SORT1: variants seen among roughly 807,000 people sequenced by gnomAD.
The protein encoded by SORT1 is sortilin 1.
A neutral mutation model predicts 101.7 loss-of-function variants in SORT1; 39 were observed. The observed-to-expected ratio is 0.38, with a 90% CI of 0.30 to 0.50. SORT1 has a LOEUF of 0.50. Ranked by LOEUF, SORT1 falls within the 20% of genes least tolerant of loss-of-function variation. The probability of loss-of-function intolerance (pLI) is 0.90; values close to 1 mark genes in which losing one functional copy is unlikely to be tolerated. For missense variants in SORT1, 878 were observed against 1,040.4 expected (o/e 0.84, Z 2.15); for synonymous variants, 396 against 393.7 (o/e 1.01, Z -0.07).
chr1:109,380,340 T>C (rs528056645), intron 1 of SORT1, among the ~76,000 whole-genome samples: 1 of 152,144 alleles, frequency 6.6e-6, no homozygotes, highest in South Asian at 2.1e-4. Context: ...AACCTTGGAA[T>C]GGGAAGACCT....
At chr1:109,389,399 C>T (rs1331803642) in intron 1 of SORT1, among the ~76,000 whole-genome samples, 1 of 152,128 alleles carries the variant, frequency 6.6e-6, no homozygotes, top group African/African-American at 2.4e-5. Flanking sequence ...CATAACTTTG[C>T]CTTATCCCTA....
intron 3 of SORT1, among the ~76,000 whole-genome samples, chr1:109,359,311 G>T (rs143856957): frequency 1.3e-5 from 2 of 152,096 alleles, no homozygotes; most frequent in East Asian, 3.9e-4. Context: ...CTTACCGAAG[G>T]TCCCACCTCC....
At chr1:109,358,984 A>G (rs977620897) in intron 3 of SORT1, among the ~76,000 whole-genome samples, 1 of 152,228 alleles carries the variant, frequency 6.6e-6, no homozygotes, top group Non-Finnish European at 1.5e-5. Context: ...GCACATGTTT[A>G]TAACTCAAGA....
At chr1:109,393,399 A>G in intron 1 of SORT1, 1 of 713,564 alleles carries the variant, frequency 1.4e-6, no homozygotes, top group Non-Finnish European at 1.7e-6. Flanking sequence ...GTACACAGGA[A>G]TGAGAAGTAA....
At chr1:109,390,513 G>T (rs1049638094) in intron 1 of SORT1, among the ~76,000 whole-genome samples, 6 of 152,104 alleles carry the variant, frequency 3.9e-5, no homozygotes, top group Admixed American at 1.3e-4. Context: ...TGAAGCAGCA[G>T]AGCCAGGACC....
At chr1:109,326,462 T>TAC (rs1648048180) in intron 13 of SORT1, among the ~76,000 whole-genome samples, 1 of 62,992 alleles carries the variant, frequency 1.6e-5, no homozygotes, top group African/African-American at 7.2e-5. Context: ...TATATATATA[T>TAC]ATACATACAC....
chr1:109,317,296 C>T (rs903064322), intron 16 of SORT1, among the ~76,000 whole-genome samples: 1 of 152,042 alleles, frequency 6.6e-6, no homozygotes, highest in Non-Finnish European at 1.5e-5. Context: ...TAATGAGGCC[C>T]GTCTAGAGCA....
At position 109,362,563 on chromosome 1, in the gene SORT1, G is replaced by A. The variant is rs192758653; in HGVS notation, c.440+4845C>T. ...CCTTGTGTTTTTATTTAACTATGTTGTGTTTTATCATTATTGGGAAAGGAT... is the reference window on the plus strand; with the variant it reads ...CCTTGTGTTTTTATTTAACTATGTTATGTTTTATCATTATTGGGAAAGGAT... On this transcript the variant is annotated intron_variant, in intron 3 of 19. Coordinates refer to ENST00000256637, the MANE Select transcript of SORT1 (RefSeq NM_002959.7). Among the ~76,000 whole-genome samples, 85 of 151,992 alleles carry A rather than the reference G, an allele frequency of 5.6e-4. No homozygotes were observed. The South Asian group carries it at 7.3e-3, about 13-fold the overall frequency.
At chr1:109,364,480 T>C (rs1650950208) in intron 3 of SORT1, among the ~76,000 whole-genome samples, 1 of 152,198 alleles carries the variant, frequency 6.6e-6, no homozygotes, top group South Asian at 2.1e-4. Flanking sequence ...CTGATCACAG[T>C]AGTATTAGTT....
chr1:109,331,575 C>A (rs1466982502), intron 11 of SORT1, among the ~76,000 whole-genome samples: 4 of 152,134 alleles, frequency 2.6e-5, no homozygotes, highest in Non-Finnish European at 5.9e-5. Context: ...TAACATCATA[C>A]TCAAACAGTC....
In SORT1 at chr1:109,357,588, C is replaced by G. The variant is rs577627080; in HGVS notation, c.441-2119G>C. Reference sequence around the variant, plus strand: ...TTAATTATCTGTGAGGATTTTTTCCCTTACAAACTGGGGTCTTCCTCTGTC... The same window carrying G: ...TTAATTATCTGTGAGGATTTTTTCCGTTACAAACTGGGGTCTTCCTCTGTC... On this transcript the variant is annotated intron_variant, in intron 3 of 19. Coordinates refer to ENST00000256637, the MANE Select transcript of SORT1 (RefSeq NM_002959.7). Among the ~76,000 whole-genome samples the G allele has an allele frequency of 8.5e-5, 13 of 152,280 alleles. No homozygotes were observed. The South Asian group carries it at 2.3e-3, about 27-fold the overall frequency.
intron 11 of SORT1, 107 bp downstream of exon 11, chr1:109,336,133 T>G: frequency 1.5e-6 from 1 of 688,718 alleles, no homozygotes; most frequent in Non-Finnish European, 2.6e-6. Flanking sequence ...TTCCACCTTA[T>G]GCTGAGGACC....
chr1:109,394,893 C>T (rs1217875816), intron 1 of SORT1, among the ~76,000 whole-genome samples: 1 of 152,172 alleles, frequency 6.6e-6, no homozygotes, highest in African/African-American at 2.4e-5. Flanking sequence ...CTTCCTTCCC[C>T]AGTTGTACAA....
chr1:109,321,853 G>T (rs565385090), intron 15 of SORT1, among the ~76,000 whole-genome samples: 2 of 152,006 alleles, frequency 1.3e-5, no homozygotes, highest in Admixed American at 6.6e-5. Context: ...AGCTATCCAG[G>T]GACTCATGCC....
chr1:109,356,633 C>T lies in SORT1; in HGVS notation c.441-1164G>A, dbSNP rs571995050. On this transcript the variant is annotated intron_variant, in intron 3 of 19. Transcript: ENST00000256637. ...GCTGTAGCAAGTTCTTGAAGTTTTT[C>T]CCCATAGAAGTTACCATCCCTAGGC... Among the ~76,000 whole-genome samples, 3 of 152,284 alleles carry T rather than the reference C, an allele frequency of 2.0e-5. No homozygotes were observed. In the South Asian group the frequency reaches 6.2e-4, roughly 32 times the overall value.
chr1:109,322,963 T>C lies in SORT1; in HGVS notation c.1993A>G (p.Ile665Val), dbSNP rs1317835686. Residue 665 changes from isoleucine to valine, a missense_variant, in exon 15 of 20, where the codon ATC (isoleucine) becomes GTC (valine). Physicochemically the swap from Ile to Val is conservative, Grantham distance 29. Transcript: ENST00000256637. Reference sequence around the variant, plus strand: ...AAGTCCTCCAGGGAACAGAGGCAGATGGAGGGCTGCTTGGTCACAACATAG... The same window carrying C: ...AAGTCCTCCAGGGAACAGAGGCAGACGGAGGGCTGCTTGGTCACAACATAG... ...RDYVVTKQPS[I>V]CLCSLEDFLC... The C allele has an allele frequency of 1.9e-6, 3 of 1,613,900 alleles. No homozygotes were observed. Among genetic ancestry groups the C allele is most frequent in the Non-Finnish European group, 1.7e-6 (2 of 1,180,008 alleles).
intron 15 of SORT1, among the ~76,000 whole-genome samples, chr1:109,320,167 T>C (rs886666073): frequency 2.6e-5 from 4 of 152,080 alleles, no homozygotes; most frequent in Admixed American, 6.6e-5. Flanking sequence ...CTCTATCTGC[T>C]CTCCCTTAGT....
intron 8 of SORT1, among the ~76,000 whole-genome samples, chr1:109,343,387 T>C (rs543026885): frequency 1.3e-5 from 2 of 152,334 alleles, no homozygotes; most frequent in Non-Finnish European, 2.9e-5. Context: ...CCTAACTCAA[T>C]GGTCCTGATT....
chr1:109,332,692 C>T (rs1648542162), intron 11 of SORT1, among the ~76,000 whole-genome samples: 1 of 152,166 alleles, frequency 6.6e-6, no homozygotes, highest in Non-Finnish European at 1.5e-5. Context: ...CTGGGGGTAT[C>T]ATGCTACCTA....
Sources: allele counts gnomAD v4.1 joint callset (sites outside exome capture counted in the v4.1 genomes callset), GRCh38; gene constraint gnomAD v4.1.1; transcripts MANE v1.5; gene names NCBI Gene and HGNC (gene_info 2026-07-23, HGNC 2026-07-21).